Variants in IDI2 observed in about 807,000 individuals in gnomAD.
The protein encoded by IDI2 is isopentenyl-diphosphate delta-isomerase 2.
Under a neutral mutation model 14.8 loss-of-function variants are expected in IDI2, and 18 were observed. That is an observed-to-expected ratio of 1.22 (90% confidence interval 0.84 to 1.80). The LOEUF is 1.80. Among genes scored for constraint, IDI2 ranks in the 40% most tolerant of loss-of-function variants. The pLI is 0.00. For synonymous variants in IDI2, 133 were observed against 109.6 expected (o/e 1.21, Z -1.33); for missense variants, 316 against 283.2 (o/e 1.12, Z -0.83).
Position 1,019,503 on chromosome 10 carries a change from G to C in IDI2, c.*14C>G. ...TGAGGGCATTACACATGGCTGACTC[G>C]ACCTCCCTGCCTCTCACACTCTGTG... On this transcript the variant is annotated 3_prime_UTR_variant, in exon 5 of 5. Transcript: ENST00000277517. The C allele has an allele frequency of 6.2e-7, 1 of 1,602,008 alleles. No homozygotes were observed. Among genetic ancestry groups the C allele is most frequent in the Non-Finnish European group, 8.5e-7 (1 of 1,172,034 alleles).
chr10:1,024,693 T>A lies in IDI2; in HGVS notation c.31A>T (p.Arg11Trp). ...TCCTCCAAGCGCTGCAACTGACGCC[T>A]GTCAACCCAGTCAAGATTTATGTCA... Reference protein sequence around the residue: MSDINLDWVDRRQLQRLEEML... With the variant: MSDINLDWVDWRQLQRLEEML... Residue 11 changes from arginine to tryptophan, a missense_variant, in exon 2 of 5, where the codon AGG becomes TGG. Transcript: ENST00000277517. 6.2e-7 allele frequency: 1 copy of A among 1,614,188 alleles called. No homozygotes were observed. Among genetic ancestry groups the A allele is most frequent in the Non-Finnish European group, 8.5e-7 (1 of 1,180,024 alleles).
chr10:1,020,964 C>G (rs1832085800), intron 3 of IDI2, 67 bp from the exon 4 acceptor site: 1 of 1,511,374 alleles, frequency 6.6e-7, no homozygotes. Flanking sequence ...AATACAAATG[C>G]AGATGCTTCA....
intron 2 of IDI2, 23 bp from the exon 3 acceptor site, chr10:1,022,798 T>C (rs185474195): frequency 2.0e-4 from 310 of 1,526,162 alleles, no homozygotes; most frequent in Admixed American, 1.3e-3. Context: ...GTGCCATTTG[T>C]GTGAGTGCAT....
chr10:1,024,237 G>A (rs564143699), intron 2 of IDI2, among the ~76,000 whole-genome samples: 9 of 152,340 alleles, frequency 5.9e-5, no homozygotes, highest in Non-Finnish European at 7.4e-5. Context: ...ACAGGCCTGC[G>A]TGATCAGACG....
In IDI2 at chr10:1,019,535, G is replaced by C. The variant is rs779081589; in HGVS notation, c.666C>G (p.His222Gln). Residue 222 changes from histidine (H) to glutamine (Q), a missense_variant, in exon 5 of 5, where the codon CAC (histidine) becomes CAG (glutamine). His to Gln is a conservative substitution (Grantham distance 24). Transcript: ENST00000277517. ...LDDVTPFVEL[H>Q]KIHRV ...CTGCCTCTCACACTCTGTGTATTTT[G>C]TGAAGCTCCACAAACGGGGTCACGT... The C allele has an allele frequency of 3.1e-6, 5 of 1,612,874 alleles. No homozygotes were observed. The highest frequency in any genetic ancestry group is 4.2e-6 in the Non-Finnish European group (5 of 1,179,248).
chr10:1,019,649 C>A lies in IDI2; in HGVS notation c.552G>T (p.Glu184Asp), dbSNP rs758583790. Reference protein sequence around the residue: ...LSQEELWELLEREARGEVKVT... With the variant: ...LSQEELWELLDREARGEVKVT... Reference sequence around the variant, plus strand: ...CTTTGACTTCACCCCTCGCCTCCCTCTCCAGCAGCTCCCACAGCTCCTCCT... The same window carrying A: ...CTTTGACTTCACCCCTCGCCTCCCTATCCAGCAGCTCCCACAGCTCCTCCT... The change falls in exon 5 of 5, where the codon GAG becomes GAT. Residue 184 changes from glutamate (E) to aspartate (D), a missense_variant. Physicochemically the swap from Glu to Asp is conservative, Grantham distance 45. Coordinates refer to ENST00000277517, the MANE Select transcript of IDI2 (RefSeq NM_033261.3). The A allele has an allele frequency of 1.9e-6, 3 of 1,614,090 alleles. No individual in the cohort carries two copies. The highest frequency in any genetic ancestry group is 2.5e-6 in the Non-Finnish European group (3 of 1,180,026).
chr10:1,025,197 A>G (rs1274288874), intron 1 of IDI2, among the ~76,000 whole-genome samples: 2 of 152,170 alleles, frequency 1.3e-5, no homozygotes, highest in Admixed American at 1.3e-4. Flanking sequence ...CAGAAGGGCT[A>G]TGGTCCTCTT....
At position 1,019,455 on chromosome 10, in the gene IDI2, C is replaced by G; in HGVS notation, c.*62G>C. 7.3e-7 allele frequency: 1 copy of G among 1,377,958 alleles called. No homozygotes were observed. The highest frequency in any genetic ancestry group is 9.9e-7 in the Non-Finnish European group (1 of 1,006,118). 85.4% of individuals were successfully genotyped at this position (1,377,958 alleles called of 1,614,324 possible). A position where few individuals can be genotyped will look rare whatever the true frequency, so the allele number is the denominator to read the frequency against. On this transcript the variant is annotated 3_prime_UTR_variant, in exon 5 of 5. Coordinates refer to ENST00000277517, the MANE Select transcript of IDI2 (RefSeq NM_033261.3). ...TTTTTTGGAGAGGGTGTATCATTGC[C>G]TCAATGGTGCGTCTGCCTGCACTGA... is the stretch of plus-strand genomic sequence containing the variant.
intron 1 of IDI2, among the ~76,000 whole-genome samples, chr10:1,025,308 G>T (rs1196456823): frequency 6.6e-6 from 1 of 152,120 alleles, no homozygotes; most frequent in African/African-American, 2.4e-5. Flanking sequence ...GGGAGGCCGA[G>T]GTGGGAGGAT....
chr10:1,020,687 CA>C, intron 4 of IDI2, 79 bp downstream of exon 4: 1 of 1,216,214 alleles, frequency 8.2e-7, no homozygotes. Context: ...GGTGTAGATC[CA>C]GCCTGGACTT....
Position 1,019,721 on chromosome 10 carries a change from A to G in IDI2, c.480T>C (p.Thr160=), listed in dbSNP as rs1286862183. 2.5e-6 allele frequency: 4 copies of G among 1,613,810 alleles called. No homozygotes were observed. Among genetic ancestry groups the G allele is most frequent in the Non-Finnish European group, 3.4e-6 (4 of 1,180,020 alleles). Residue 160 remains threonine, a synonymous_variant, in exon 5 of 5, where the codon ACT becomes ACC. Transcript: ENST00000277517. ...TCGTTTCACTGGGATCCGGGTTCAG[A>G]GTGACGTTTTTCCTCACAAGCAGAA... is the stretch of plus-strand genomic sequence containing the variant. ...CYLLLVRKNV[T]LNPDPSETKS... is the part of the protein sequence containing the mutation.
chr10:1,020,714 C>A (rs543529750), intron 4 of IDI2, 53 bp downstream of exon 4: 52 of 1,535,514 alleles, frequency 3.4e-5, no homozygotes, highest in Non-Finnish European at 4.3e-5. Context: ...ACCGTCTGCC[C>A]GCTGCCAACC....
chr10:1,020,967 A>T lies in IDI2; in HGVS notation c.236-70T>A, dbSNP rs1361446480. 2.0e-6 allele frequency: 3 copies of T among 1,504,104 alleles called. No individual in the cohort carries two copies. In the African/African-American group the frequency reaches 4.2e-5, roughly 21 times the overall value. The allele number at this position is 1,504,104 out of a possible 1,614,324, so 93.2% of individuals were successfully genotyped here. On this transcript the variant is annotated intron_variant, in intron 3 of 4. Transcript: ENST00000277517. ...GTGAATATATTAAATACAAATGCAG[A>T]TGCTTCATGTAAAACCATCATCCGT...
At chr10:1,025,355 C>A (rs1832197701) in intron 1 of IDI2, among the ~76,000 whole-genome samples, 1 of 152,090 alleles carries the variant, frequency 6.6e-6, no homozygotes, top group South Asian at 2.1e-4. Flanking sequence ...GCCTGGCCAA[C>A]ATGGTGGAAC....
In IDI2 at chr10:1,019,000, C is replaced by T. The variant is rs2170142; in HGVS notation, c.*517G>A. ...TAAACGTCGAGTCACTTGGCTGAGA[C>T]CATACGCATCTTCCGTACTGCTTGT... On this transcript the variant is annotated 3_prime_UTR_variant, in exon 5 of 5. Transcript: ENST00000277517. The T allele has an allele frequency of 0.77, 118,151 of 153,540 alleles. 45,612 individuals are homozygous for T. The highest frequency in any genetic ancestry group is 0.82 in the Non-Finnish European group (56,540 of 69,080). The allele number at this position is 153,540 out of a possible 1,614,324, so 9.5% of individuals were successfully genotyped here. A position where few individuals can be genotyped will look rare whatever the true frequency, so the allele number is the denominator to read the frequency against.
rs769710555 is a variant in IDI2 at position 1,022,610 on chromosome 10, C to G, written c.235+73G>C. The G allele has an allele frequency of 5.1e-5, 59 of 1,162,340 alleles. No homozygotes were observed. The Admixed American group carries it at 1.0e-3, about 20-fold the overall frequency. 72.0% of individuals were successfully genotyped at this position (1,162,340 alleles called of 1,614,324 possible). A position where few individuals can be genotyped will look rare whatever the true frequency, so the allele number is the denominator to read the frequency against. Reference sequence around the variant, plus strand: ...GTGCGGCACTGAGCACCAGAGAGTTCCTGTCCCAGATTCCTCCGGTCAAGT... The same window carrying G: ...GTGCGGCACTGAGCACCAGAGAGTTGCTGTCCCAGATTCCTCCGGTCAAGT... On this transcript the variant is annotated intron_variant, in intron 3 of 4. Coordinates refer to ENST00000277517, the MANE Select transcript of IDI2 (RefSeq NM_033261.3).
At chr10:1,024,848 C>A in intron 1 of IDI2, 104 bp from the exon 2 acceptor site, 5 of 1,010,358 alleles carry the variant, frequency 4.9e-6, no homozygotes, top group Non-Finnish European at 4.5e-6. Context: ...ACCTTCTCTA[C>A]AAGTGACAGC....
Position 1,024,620 on chromosome 10 carries a change from GTGTCGGC to G in IDI2, c.97_103del (p.Ala33ProfsTer7). On this transcript the variant is annotated frameshift_variant, in exon 2 of 5. Coordinates refer to ENST00000277517, the MANE Select transcript of IDI2 (RefSeq NM_033261.3). LOFTEE classifies it high-confidence loss of function. Reference sequence around the variant, plus strand: ...TTCGTTCAGATGGCAATTCCTCTTGGTGTCGGCACCAATAACCTTATCATTCTCATCC... The same window carrying G: ...TTCGTTCAGATGGCAATTCCTCTTGGACCAATAACCTTATCATTCTCATCC... 6.2e-7 allele frequency: 1 copy of G among 1,614,110 alleles called. No homozygotes were observed. Among genetic ancestry groups the G allele is most frequent in the East Asian group, 2.2e-5 (1 of 44,882 alleles).
At chr10:1,023,324 A>C (rs1327259152) in intron 2 of IDI2, among the ~76,000 whole-genome samples, 2 of 152,158 alleles carry the variant, frequency 1.3e-5, no homozygotes, top group East Asian at 3.9e-4. Flanking sequence ...AAATACAAAA[A>C]AATTAGCTGG....
Sources: allele counts gnomAD v4.1 joint callset (sites outside exome capture counted in the v4.1 genomes callset), GRCh38; gene constraint gnomAD v4.1.1; transcripts MANE v1.5; gene names NCBI Gene and HGNC (gene_info 2026-07-23, HGNC 2026-07-21).